TSNARE1: variants seen among roughly 807,000 people sequenced by gnomAD.
TSNARE1 encodes t-SNARE domain containing 1.
TSNARE1 carries 49 observed loss-of-function variants against 62.0 expected under a neutral mutation model. The ratio of observed to expected loss-of-function variants is 0.79; its 90% confidence interval spans 0.63 to 1.00. The LOEUF (loss-of-function observed/expected upper bound fraction) is 1.00. Among genes scored for constraint, TSNARE1 ranks in the 50% least tolerant of loss-of-function variants. The probability of loss-of-function intolerance (pLI) is 0.00; values close to 1 mark genes in which losing one functional copy is unlikely to be tolerated. For missense variants in TSNARE1, 755 were observed against 700.1 expected, an observed-to-expected ratio of 1.08 and a Z score of -0.88; for synonymous variants, 328 against 294.4, an observed-to-expected ratio of 1.11 and a Z score of -1.17.
At chr8:142,303,828 A>C (rs1242094165) in intron 9 of TSNARE1, among the ~76,000 whole-genome samples, 1 of 152,142 alleles carries the variant, frequency 6.6e-6, no homozygotes, top group African/African-American at 2.4e-5. Context: ...GCAACCTTAG[A>C]GGGACGTGGC....
chr8:142,274,910 G>A (rs566908765), intron 11 of TSNARE1, 47 bp from the exon 12 acceptor site: 18 of 1,457,398 alleles, frequency 1.2e-5, no homozygotes, highest in East Asian at 8.4e-5. Context: ...AGGCCCAGCC[G>A]CCCCCGCCCT....
At chr8:142,298,074 G>A (rs1216878676) in intron 10 of TSNARE1, among the ~76,000 whole-genome samples, 1 of 152,204 alleles carries the variant, frequency 6.6e-6, no homozygotes, top group Non-Finnish European at 1.5e-5. Context: ...GTGCTGAGCT[G>A]TGAGGGTCCC....
intron 11 of TSNARE1, among the ~76,000 whole-genome samples, chr8:142,284,065 A>AG (rs1822252456): frequency 7.6e-6 from 1 of 131,682 alleles, no homozygotes. Context: ...CAATGAGCAG[A>AG]GTGGGGGCTA....
chr8:142,369,165 T>C (rs1211955072), intron 1 of TSNARE1, among the ~76,000 whole-genome samples: 1 of 152,172 alleles, frequency 6.6e-6, no homozygotes, highest in Non-Finnish European at 1.5e-5. Flanking sequence ...CCTCTGTATC[T>C]GCAGCATGAG....
At chr8:142,312,247 C>G (rs1484648217) in intron 9 of TSNARE1, among the ~76,000 whole-genome samples, 1 of 152,194 alleles carries the variant, frequency 6.6e-6, no homozygotes, top group Non-Finnish European at 1.5e-5. Flanking sequence ...AACCTATAAG[C>G]TGAGTGTCCA....
chr8:142,256,768 C>A (rs1387897291), intron 12 of TSNARE1, among the ~76,000 whole-genome samples: 1 of 152,194 alleles, frequency 6.6e-6, no homozygotes, highest in African/African-American at 2.4e-5. Flanking sequence ...TCGTCACTGG[C>A]AGAGCTGGGA....
intron 1 of TSNARE1, among the ~76,000 whole-genome samples, chr8:142,381,471 C>A (rs1024540391): frequency 2.0e-5 from 3 of 152,088 alleles, no homozygotes; most frequent in Non-Finnish European, 2.9e-5. Flanking sequence ...TATCAGCGCC[C>A]CCCCCCACCC....
chr8:142,392,133 C>A (rs1837574494), intron 1 of TSNARE1, among the ~76,000 whole-genome samples: 1 of 152,168 alleles, frequency 6.6e-6, no homozygotes, highest in Non-Finnish European at 1.5e-5. Flanking sequence ...AAGTGATTAT[C>A]CTGCTTCAGC....
intron 7 of TSNARE1, among the ~76,000 whole-genome samples, chr8:142,317,676 G>C (rs1419514884): frequency 6.6e-6 from 1 of 152,206 alleles, no homozygotes; most frequent in Non-Finnish European, 1.5e-5. Flanking sequence ...GTGGGGACAG[G>C]GCCAGGCGTG....
intron 1 of TSNARE1, among the ~76,000 whole-genome samples, chr8:142,402,055 G>A (rs182681738): frequency 2.6e-5 from 4 of 152,244 alleles, no homozygotes; most frequent in Admixed American, 2.6e-4. Context: ...ACTGTAGGGA[G>A]AGCGGTCAGA....
intron 1 of TSNARE1, among the ~76,000 whole-genome samples, chr8:142,379,888 G>A (rs1452667352): frequency 1.3e-5 from 2 of 152,212 alleles, no homozygotes; most frequent in Non-Finnish European, 2.9e-5. Context: ...ATCCCAAGCA[G>A]GGTTCTGTGG....
At chr8:142,387,077 G>A (rs566615762) in intron 1 of TSNARE1, among the ~76,000 whole-genome samples, 91 of 152,066 alleles carry the variant, frequency 6.0e-4, no homozygotes, top group Admixed American at 2.0e-3. Context: ...GAAACCTCCC[G>A]AAACCCAGAA....
At chr8:142,365,883 G>C (rs890983732) in intron 1 of TSNARE1, 1 of 447,664 alleles carries the variant, frequency 2.2e-6, no homozygotes, top group Non-Finnish European at 4.5e-6. Flanking sequence ...AGAAAGTGAA[G>C]AACATGTAAA....
intron 11 of TSNARE1, chr8:142,278,774 G>A: frequency 2.0e-6 from 2 of 985,450 alleles, no homozygotes; most frequent in Non-Finnish European, 2.4e-6. Context: ...AGAGTCACCG[G>A]ACAGCACCAC....
At chr8:142,261,071 GGA>G (rs544040271) in intron 12 of TSNARE1, among the ~76,000 whole-genome samples, 68 of 6,652 alleles carry the variant, frequency 0.01, 1 homozygote, top group African/African-American at 0.042. Flanking sequence ...GCAGGAGGGA[GGA>G]GAGAGGAAAG....
rs1835494765 is a variant in TSNARE1, at chr8:142,365,635, G to GAA, written c.-39-10873_-39-10872insTT. ...ACACACACACACACACACACACACA[G>GAA]AGAGAGAGAGGGGAACAAAGAATAA... On this transcript the variant is annotated intron_variant, in intron 1 of 13. Transcript: ENST00000524325. Among the ~76,000 whole-genome samples, 3 of 117,320 alleles carry GAA rather than the reference G, an allele frequency of 2.6e-5. 1 individual carries two copies. The South Asian group carries it at 8.6e-4, about 34-fold the overall frequency. The allele number at this position is 117,320 out of a possible 152,430, so 77.0% of individuals were successfully genotyped here.
intron 13 of TSNARE1, among the ~76,000 whole-genome samples, chr8:142,217,613 G>C (rs1374907493): frequency 8.0e-6 from 1 of 124,662 alleles, no homozygotes; most frequent in Non-Finnish European, 1.7e-5. Flanking sequence ...TCAACTTTTT[G>C]CTCCAGGGAA....
At chr8:142,281,366 G>A (rs1209356120) in intron 11 of TSNARE1, among the ~76,000 whole-genome samples, 4 of 152,054 alleles carry the variant, frequency 2.6e-5, no homozygotes, top group Non-Finnish European at 5.9e-5. Context: ...ATGGGTCAGA[G>A]CCCTCCAGTG....
intron 1 of TSNARE1, among the ~76,000 whole-genome samples, chr8:142,384,665 A>T (rs1836992590): frequency 6.6e-6 from 1 of 152,232 alleles, no homozygotes. Context: ...CTTAAACCAC[A>T]CACAAAAATT....
Sources: allele counts gnomAD v4.1 joint callset (sites outside exome capture counted in the v4.1 genomes callset), GRCh38; gene constraint gnomAD v4.1.1; transcripts MANE v1.5; gene names NCBI Gene and HGNC (gene_info 2026-07-23, HGNC 2026-07-21).